TMEM178B: variants seen among roughly 807,000 people sequenced by gnomAD.
TMEM178B encodes transmembrane protein 178B.
TMEM178B carries 5 observed loss-of-function variants against 31.0 expected under a neutral mutation model. The ratio of observed to expected loss-of-function variants is 0.16; its 90% CI spans 0.08 to 0.34. The LOEUF (loss-of-function observed/expected upper bound fraction) is 0.34. Ranked by LOEUF, TMEM178B falls within the 10% of genes least tolerant of loss-of-function variation. TMEM178B has a pLI of 1.00. For synonymous variants in TMEM178B, 164 were observed against 164.0 expected (o/e 1.00, Z 0.00); for missense variants, 275 against 400.3 (o/e 0.69, Z 2.67).
intron 2 of TMEM178B, among the ~76,000 whole-genome samples, chr7:141,362,556 A>G (rs1799934086): frequency 6.6e-6 from 1 of 152,076 alleles, no homozygotes; most frequent in Non-Finnish European, 1.5e-5. Context: ...TAATATATCC[A>G]CTAAAAGAAA....
intron 2 of TMEM178B, among the ~76,000 whole-genome samples, chr7:141,416,743 A>G (rs1801104421): frequency 6.6e-6 from 1 of 152,198 alleles, no homozygotes; most frequent in Non-Finnish European, 1.5e-5. Context: ...GCCACAGAAC[A>G]AAGACAACAT....
intron 2 of TMEM178B, among the ~76,000 whole-genome samples, chr7:141,294,445 G>T (rs548295883): frequency 2.0e-5 from 3 of 152,178 alleles, no homozygotes; most frequent in Non-Finnish European, 4.4e-5. Context: ...AGCAGGTCTG[G>T]CTGGACTATG....
the TMEM178B span, among the ~76,000 whole-genome samples, chr7:141,495,855 G>T: frequency 3.9e-5 from 6 of 152,186 alleles, no homozygotes; most frequent in African/African-American, 1.4e-4. Flanking sequence ...TTTCCAGAAG[G>T]TATGTGAGTT....
chr7:141,145,351 C>T (rs1371794961), intron 1 of TMEM178B, among the ~76,000 whole-genome samples: 1 of 152,218 alleles, frequency 6.6e-6, no homozygotes, highest in Non-Finnish European at 1.5e-5. Context: ...CCTCAAGGCC[C>T]AGGCGTGGTA....
intron 2 of TMEM178B, among the ~76,000 whole-genome samples, chr7:141,411,796 A>G (rs140370118): frequency 1.4e-3 from 217 of 152,336 alleles, no homozygotes; most frequent in African/African-American, 5.1e-3. Context: ...TCTTACAAAT[A>G]GGTTGACAAG....
chr7:141,214,252 G>C (rs1797096324), intron 2 of TMEM178B, among the ~76,000 whole-genome samples: 1 of 152,154 alleles, frequency 6.6e-6, no homozygotes, highest in African/African-American at 2.4e-5. Flanking sequence ...AAGTTATGGG[G>C]GTCGTAATAG....
At chr7:141,291,424 A>C (rs1798544285) in intron 2 of TMEM178B, among the ~76,000 whole-genome samples, 1 of 152,148 alleles carries the variant, frequency 6.6e-6, no homozygotes, top group Non-Finnish European at 1.5e-5. Context: ...CGTTCCTGGA[A>C]GGAAAGCTGG....
chr7:141,463,008 A>G (rs1802085043), intron 3 of TMEM178B, among the ~76,000 whole-genome samples: 1 of 152,138 alleles, frequency 6.6e-6, no homozygotes, highest in Admixed American at 6.5e-5. Context: ...ACAGGTGTTT[A>G]CAGACGGGGA....
At chr7:141,356,898 G>A (rs1192871730) in intron 2 of TMEM178B, among the ~76,000 whole-genome samples, 1 of 151,960 alleles carries the variant, frequency 6.6e-6, no homozygotes, top group Non-Finnish European at 1.5e-5. Context: ...ATATTTTGTG[G>A]TCCATAAAAT....
intron 1 of TMEM178B, among the ~76,000 whole-genome samples, chr7:141,105,806 A>G (rs1222587465): frequency 6.6e-6 from 1 of 152,068 alleles, no homozygotes; most frequent in African/African-American, 2.4e-5. Context: ...AAAAATGATT[A>G]GTTTGGGGCC....
At chr7:141,434,336 G>A (rs1351823441) in intron 2 of TMEM178B, among the ~76,000 whole-genome samples, 2 of 152,192 alleles carry the variant, frequency 1.3e-5, no homozygotes, top group African/African-American at 4.8e-5. Flanking sequence ...AAAGCCAGGT[G>A]ACAGCTGGGC....
intron 2 of TMEM178B, among the ~76,000 whole-genome samples, chr7:141,365,989 C>T (rs892735746): frequency 6.6e-6 from 1 of 152,214 alleles, no homozygotes; most frequent in Admixed American, 6.5e-5. Flanking sequence ...CATCTTTTGT[C>T]TGCCTCTCCC....
Position 141,150,078 on chromosome 7 carries a change from C to T in TMEM178B, c.383-62513C>T, listed in dbSNP as rs191489456. ...TCGAGTGGCTGAGGAGTCTCTTTAG[C>T]GGGGTTGGAAAGACTATGGATGGAG... On this transcript the variant is annotated intron_variant, in intron 1 of 3. Transcript: ENST00000565468. Among the ~76,000 whole-genome samples the T allele has an allele frequency of 1.2e-3, 181 of 151,988 alleles. 1 individual carries two copies. Among genetic ancestry groups the T allele is most frequent in the African/African-American group, 4.1e-3 (169 of 41,446 alleles).
Position 141,400,687 on chromosome 7 carries a change from G to A in TMEM178B, c.497-36921G>A, listed in dbSNP as rs539524005. 3.0e-4 allele frequency among the ~76,000 whole-genome samples: 45 copies of A among 152,330 alleles called. No individual in the cohort carries two copies. The South Asian group carries it at 8.7e-3, about 29-fold the overall frequency. On this transcript the variant is annotated intron_variant, in intron 2 of 3. Coordinates refer to ENST00000565468, the MANE Select transcript of TMEM178B (RefSeq NM_001195278.2). ...GCCTCCTTAACACTCTCACAAAGAAGGCTGCAGCCTGCTCTTCGTGGGTTG... is the reference window on the plus strand; with the variant it reads ...GCCTCCTTAACACTCTCACAAAGAAAGCTGCAGCCTGCTCTTCGTGGGTTG...
intron 1 of TMEM178B, among the ~76,000 whole-genome samples, chr7:141,151,093 C>T (rs374661738): frequency 1.2e-4 from 19 of 152,246 alleles, no homozygotes; most frequent in African/African-American, 4.6e-4. Flanking sequence ...CTACAATATG[C>T]CTGGCAGGGT....
chr7:141,199,754 TA>T (rs1207052223), intron 1 of TMEM178B, among the ~76,000 whole-genome samples: 6 of 152,132 alleles, frequency 3.9e-5, no homozygotes, highest in African/African-American at 4.8e-5. Context: ...CCTGGCTAAA[TA>T]AAAAAAATTT....
intron 2 of TMEM178B, among the ~76,000 whole-genome samples, chr7:141,261,384 G>A (rs1421303498): frequency 6.6e-6 from 1 of 151,932 alleles, no homozygotes; most frequent in Non-Finnish European, 1.5e-5. Flanking sequence ...TCTAGGTGAG[G>A]GCTCAGGTGA....
At chr7:141,401,237 T>C (rs1344998798) in intron 2 of TMEM178B, among the ~76,000 whole-genome samples, 2 of 152,184 alleles carry the variant, frequency 1.3e-5, no homozygotes, top group Non-Finnish European at 1.5e-5. Context: ...CCCACTAAGA[T>C]GGTAAAAAAC....
chr7:141,388,470 C>A (rs1376913285), intron 2 of TMEM178B, among the ~76,000 whole-genome samples: 1 of 152,200 alleles, frequency 6.6e-6, no homozygotes, highest in Non-Finnish European at 1.5e-5. Flanking sequence ...TTGATTCATG[C>A]TGAATTCTTC....
Sources: gnomAD v4.1 joint callset for allele counts (sites outside exome capture counted in the v4.1 genomes callset) on GRCh38, gnomAD v4.1.1 for gene constraint, MANE v1.5 for transcripts, NCBI Gene and HGNC (gene_info 2026-07-23, HGNC 2026-07-21) for gene names.